The following TMEM119 variants were observed in gnomAD, a reference collection of about 807,000 sequenced individuals.
TMEM119 encodes transmembrane protein 119.
For synonymous variants in TMEM119, 182 were observed against 176.4 expected (o/e 1.03, Z -0.25); for missense variants, 410 against 381.0 (o/e 1.08, Z -0.63).
intron 1 of TMEM119, among the ~76,000 whole-genome samples, chr12:108,595,523 C>A (rs1195824000): frequency 2.0e-5 from 3 of 151,366 alleles, no homozygotes; most frequent in Non-Finnish European, 4.4e-5. Context: ...CCCATATACA[C>A]CCCACACACA....
chr12:108,591,483 G>T lies in TMEM119; in HGVS notation c.*49C>A. ...TGAAGGCCTTTTCATACACGGGGAG[G>T]TGACCACTTGGGGGCCCGACAGTCA... is the stretch of plus-strand genomic sequence containing the variant. On this transcript the variant is annotated 3_prime_UTR_variant, in exon 2 of 2. Coordinates refer to ENST00000392806, the MANE Select transcript of TMEM119 (RefSeq NM_181724.3). This position sits in a 1 kb window ranked among gnomAD's most constrained non-coding sequence, Gnocchi z 4.2. 6.6e-7 allele frequency: 1 copy of T among 1,523,580 alleles called. No individual in the cohort carries two copies. Among genetic ancestry groups the T allele is most frequent in the Admixed American group, 2.1e-5 (1 of 47,592 alleles). The allele number at this position is 1,523,580 out of a possible 1,614,324, so 94.4% of individuals were successfully genotyped here.
At chr12:108,595,496 C>T (rs1359611915) in intron 1 of TMEM119, among the ~76,000 whole-genome samples, 1 of 150,518 alleles carries the variant, frequency 6.6e-6, no homozygotes, top group African/African-American at 2.4e-5. Flanking sequence ...CACAAACATG[C>T]ACACACGCCA....
rs1044916211 is a variant in TMEM119 at position 108,592,263 on chromosome 12, T to C, written c.121A>G (p.Ser41Gly). The change falls in exon 2 of 2, where the codon AGT (serine) becomes GGT (glycine). Residue 41 changes from serine to glycine, a missense_variant. Coordinates refer to ENST00000392806, the MANE Select transcript of TMEM119 (RefSeq NM_181724.3). This position sits in a 1 kb window ranked among gnomAD's most constrained non-coding sequence, Gnocchi z 4.3. ...KATFLEDVAG[S>G]GEAEGSSASS... ...GCCGACGAGCCCTCGGCCTCCCCAC[T>C]ACCCGCCACATCCTCCAGGAACGTG... is the stretch of plus-strand genomic sequence containing the variant. 1.9e-6 allele frequency: 3 copies of C among 1,588,900 alleles called. No homozygotes were observed. Among genetic ancestry groups the C allele is most frequent in the African/African-American group, 1.3e-5 (1 of 74,236 alleles).
chr12:108,593,683 C>G (rs557040515), intron 1 of TMEM119, among the ~76,000 whole-genome samples: 8 of 152,360 alleles, frequency 5.3e-5, no homozygotes, highest in African/African-American at 1.9e-4. Flanking sequence ...CGGGGGCCTC[C>G]CTGCCCTGAT....
At position 108,592,156 on chromosome 12, in the gene TMEM119, G is replaced by GC. The variant is rs1308152342; in HGVS notation, c.227dup (p.Ser78IlefsTer65). On this transcript the variant is annotated frameshift_variant, in exon 2 of 2. Transcript: ENST00000392806. LOFTEE classifies it low-confidence loss of function (END_TRUNC). This position sits in a 1 kb window ranked among gnomAD's most constrained non-coding sequence, Gnocchi z 4.3. ...CCAGGAAGTTGGTGGGGGGTGATGG[G>GC]CCCCCCAGGGTTATGGGCTGGGGCC... 1 of 1,613,888 alleles carries GC rather than the reference G, an allele frequency of 6.2e-7. No homozygotes were observed. The highest frequency in any genetic ancestry group is 8.5e-7 in the Non-Finnish European group (1 of 1,179,988).
chr12:108,590,193 T>C lies in TMEM119; in HGVS notation c.*1339A>G, dbSNP rs576814335. 6.6e-6 allele frequency: 1 copy of C among 152,094 alleles called. No individual in the cohort carries two copies. The highest frequency in any genetic ancestry group is 1.5e-5 in the Non-Finnish European group (1 of 68,042). The allele number at this position is 152,094 out of a possible 1,614,324, so 9.4% of individuals were successfully genotyped here. A position where few individuals can be genotyped will look rare whatever the true frequency, so the allele number is the denominator to read the frequency against. On this transcript the variant is annotated 3_prime_UTR_variant, in exon 2 of 2. Coordinates refer to ENST00000392806, the MANE Select transcript of TMEM119 (RefSeq NM_181724.3). ...TGGAGGCCAGACAGGAAGAGTTCCA[T>C]TCATTCAACCTGATCCCAGCAGCAG...
chr12:108,590,966 G>A lies in TMEM119; in HGVS notation c.*566C>T, dbSNP rs549634727. ...CCTTACGAACGCTGGGCACCTTGGC[G>A]TCTCTCATCCAAACTCTTCCAAAAC... On this transcript the variant is annotated 3_prime_UTR_variant, in exon 2 of 2. Transcript: ENST00000392806. The A allele has an allele frequency of 3.3e-5, 5 of 152,418 alleles. No homozygotes were observed. Among genetic ancestry groups the A allele is most frequent in the South Asian group, 4.1e-4 (2 of 4,828 alleles). 9.4% of individuals were successfully genotyped at this position (152,418 alleles called of 1,614,324 possible). A position where few individuals can be genotyped will look rare whatever the true frequency, so the allele number is the denominator to read the frequency against.
intron 1 of TMEM119, among the ~76,000 whole-genome samples, chr12:108,595,264 TCA>T (rs935465581): frequency 5.8e-5 from 8 of 138,506 alleles, no homozygotes; most frequent in Non-Finnish European, 1.1e-4. Context: ...CGCCACACAC[TCA>T]CACACACATC....
In TMEM119 at chr12:108,591,670, C is replaced by T. The variant is rs1027723671; in HGVS notation, c.714G>A (p.Gly238=). 6.2e-7 allele frequency: 1 copy of T among 1,613,868 alleles called. No homozygotes were observed. ...TPEAQEEPCS[G]VLEGAVVAGE... is the part of the protein sequence containing the mutation. ...CGGCCACCACAGCCCCCTCAAGGAC[C>T]CCTGAGCACGGCTCCTCCTGCGCCT... The change falls in exon 2 of 2, where the codon GGG becomes GGA. Residue 238 remains glycine, a synonymous_variant. Coordinates refer to ENST00000392806, the MANE Select transcript of TMEM119 (RefSeq NM_181724.3). The surrounding 1 kb of genome is among the most constrained non-coding windows in gnomAD (Gnocchi z 4.2).
intron 1 of TMEM119, among the ~76,000 whole-genome samples, chr12:108,596,273 G>C (rs1341495731): frequency 6.6e-6 from 1 of 152,110 alleles, no homozygotes; most frequent in Non-Finnish European, 1.5e-5. Context: ...TCACTGTCTG[G>C]TCCGGCCGCC....
intron 1 of TMEM119, among the ~76,000 whole-genome samples, chr12:108,593,411 A>C (rs540358076): frequency 5.7e-4 from 86 of 151,712 alleles, no homozygotes; most frequent in African/African-American, 1.9e-3. Context: ...GCCACTGCAC[A>C]CTCCAGCCTA....
chr12:108,591,802 C>T lies in TMEM119; in HGVS notation c.582G>A (p.Gly194=), dbSNP rs759634362. ...TGCCCTCCACCATCCTGGCTCCGTC[C>T]CCACCGCCCAGTGCAGCCCTGGTGG... ...KSPTRAALGG[G]DGARMVEGRG... The change falls in exon 2 of 2, where the codon GGG becomes GGA. Residue 194 remains glycine, a synonymous_variant. Coordinates refer to ENST00000392806, the MANE Select transcript of TMEM119 (RefSeq NM_181724.3). The surrounding 1 kb of genome is among the most constrained non-coding windows in gnomAD (Gnocchi z 4.2). 20 of 1,591,418 alleles carry T rather than the reference C, an allele frequency of 1.3e-5. No individual in the cohort carries two copies. Among genetic ancestry groups the T allele is most frequent in the Non-Finnish European group, 1.6e-5 (19 of 1,168,348 alleles).
chr12:108,591,723 C>T lies in TMEM119; in HGVS notation c.661G>A (p.Gly221Arg), dbSNP rs766743933. The change falls in exon 2 of 2, where the codon GGA becomes AGA. Residue 221 changes from glycine (G) to arginine (R), a missense_variant. Coordinates refer to ENST00000392806, the MANE Select transcript of TMEM119 (RefSeq NM_181724.3). The surrounding 1 kb of genome is among the most constrained non-coding windows in gnomAD (Gnocchi z 4.2). The part of the protein sequence containing the change: ...GSQEGDQEVQ[G>R]HGVPVETPEA... Reference sequence around the variant, plus strand: ...GGTGTCTCCACTGGGACCCCATGTCCCTGGACTTCCTGGTCCCCCTCCTGG... The same window carrying T: ...GGTGTCTCCACTGGGACCCCATGTCTCTGGACTTCCTGGTCCCCCTCCTGG... 1.2e-6 allele frequency: 2 copies of T among 1,608,932 alleles called. No individual in the cohort carries two copies. The highest frequency in any genetic ancestry group is 2.2e-5 in the South Asian group (2 of 90,562).
At position 108,591,610 on chromosome 12, in the gene TMEM119, CAA is replaced by C; in HGVS notation, c.772_773del (p.Leu258ValfsTer35). On this transcript the variant is annotated frameshift_variant, in exon 2 of 2. Transcript: ENST00000392806. LOFTEE classifies it low-confidence loss of function (END_TRUNC). This position sits in a 1 kb window ranked among gnomAD's most constrained non-coding sequence, Gnocchi z 4.2. ...CTGGTCCCTGGGCTTCCTGGGCTAACAAGAGAGACCCTTCCAGCTCCCCTTGG... is the reference window on the plus strand; with the variant it reads ...CTGGTCCCTGGGCTTCCTGGGCTAACGAGAGACCCTTCCAGCTCCCCTTGG... ...EGQGELEGSL[L>X]LAQEAQGPVG... The C allele has an allele frequency of 6.2e-7, 1 of 1,613,928 alleles. No homozygotes were observed. Among genetic ancestry groups the C allele is most frequent in the Non-Finnish European group, 8.5e-7 (1 of 1,179,942 alleles).
Position 108,591,366 on chromosome 12 carries a change from G to C in TMEM119, c.*166C>G. On this transcript the variant is annotated 3_prime_UTR_variant, in exon 2 of 2. Coordinates refer to ENST00000392806, the MANE Select transcript of TMEM119 (RefSeq NM_181724.3). The surrounding 1 kb of genome is among the most constrained non-coding windows in gnomAD (Gnocchi z 4.2). ...TGGTAAGATTCCTCCGGGGCACCGG[G>C]GACCAGCATTTCTGCCTGCTGTAGA... 1 of 801,046 alleles carries C rather than the reference G, an allele frequency of 1.2e-6. No individual in the cohort carries two copies. Among genetic ancestry groups the C allele is most frequent in the Non-Finnish European group, 1.9e-6 (1 of 525,946 alleles). 49.6% of individuals were successfully genotyped at this position (801,046 alleles called of 1,614,324 possible). A position where few individuals can be genotyped will look rare whatever the true frequency, so the allele number is the denominator to read the frequency against.
At chr12:108,597,417 G>A (rs1273084459) in intron 1 of TMEM119, among the ~76,000 whole-genome samples, 4 of 151,808 alleles carry the variant, frequency 2.6e-5, no homozygotes, top group Admixed American at 2.0e-4. Context: ...GGCCCTGGAG[G>A]TCTGGATGGG....
Position 108,592,177 on chromosome 12 carries a change from G to A in TMEM119, c.207C>T (p.Pro69=), listed in dbSNP as rs1420772833. ...TPALSPTSMG[P]QPITLGGPSP... ...ATGGGCCCCCCAGGGTTATGGGCTG[G>A]GGCCCCATCGATGTGGGGCTGAGGG... The change falls in exon 2 of 2, where the codon CCC becomes CCT. Residue 69 remains proline (P), a synonymous_variant. Transcript: ENST00000392806. The surrounding 1 kb of genome is among the most constrained non-coding windows in gnomAD (Gnocchi z 4.3). 1.2e-6 allele frequency: 2 copies of A among 1,613,848 alleles called. No homozygotes were observed. The highest frequency in any genetic ancestry group is 1.7e-6 in the Non-Finnish European group (2 of 1,179,922).
In TMEM119 at chr12:108,591,541, G is replaced by T. The variant is rs779235406; in HGVS notation, c.843C>A (p.Pro281=). Residue 281 remains proline, a synonymous_variant, in exon 2 of 2, where the codon CCC becomes CCA. Coordinates refer to ENST00000392806, the MANE Select transcript of TMEM119 (RefSeq NM_181724.3). This position sits in a 1 kb window ranked among gnomAD's most constrained non-coding sequence, Gnocchi z 4.2. ...ESPCACSSVH[P]SV is the part of the protein sequence containing the mutation. ...CAGCCCGGGAGGACTGTTAGACACT[G>T]GGGTGGACACTGCTGCAAGCACAGG... The T allele has an allele frequency of 1.9e-6, 3 of 1,604,966 alleles. No homozygotes were observed. In the Admixed American group the frequency reaches 5.1e-5, roughly 27 times the overall value.
At chr12:108,597,562 G>A (rs1304582556) in intron 1 of TMEM119, among the ~76,000 whole-genome samples, 2 of 151,662 alleles carry the variant, frequency 1.3e-5, no homozygotes, top group Non-Finnish European at 2.9e-5. Context: ...GCACTCTCAT[G>A]GCCCATGCAC....
Sources: allele counts gnomAD v4.1 joint callset (sites outside exome capture counted in the v4.1 genomes callset), GRCh38; gene constraint gnomAD v4.1.1; non-coding constraint Gnocchi (gnomAD v3.1); transcripts MANE v1.5; gene names NCBI Gene and HGNC (gene_info 2026-07-23, HGNC 2026-07-21).